GLI2: variants seen among roughly 807,000 people sequenced by gnomAD.
GLI2 encodes GLI family zinc finger 2, also known as transcription activator GLI2.
In GLI2, 22 loss-of-function variants were observed where a neutral mutation model predicts 78.9. The observed-to-expected ratio is 0.28, with a 90% CI of 0.20 to 0.40. The LOEUF (loss-of-function observed/expected upper bound fraction) is 0.40. GLI2 is among the 10% of genes least tolerant of loss of function. The pLI, the probability that GLI2 is intolerant of heterozygous loss-of-function variation, is 1.00. For synonymous variants in GLI2, 974 were observed against 963.7 expected (o/e 1.01, Z -0.20); for missense variants, 2,097 against 2,213.2 (o/e 0.95, Z 1.05).
chr2:120,989,227 C>T lies in GLI2; in HGVS notation c.3262C>T (p.His1088Tyr), dbSNP rs553904111. Residue 1088 changes from histidine to tyrosine, a missense_variant, in exon 14 of 14, where the codon CAC becomes TAC. Around this residue, in one of 5 missense-constraint regions of GLI2, gnomAD observed 1,290 missense variants for 1,261.7 expected, o/e 1.02. Transcript: ENST00000361492. ...DNPRLPSPGL[H>Y]GQRRMVAADS... ...CCCCAGACTACCCAGCCCGGGGCTG[C>T]ACGGCCAGCGCAGGATGGTGGCTGC... is the stretch of plus-strand genomic sequence containing the variant. The T allele has an allele frequency of 6.2e-7, 1 of 1,613,186 alleles. No homozygotes were observed. Among genetic ancestry groups the T allele is most frequent in the East Asian group, 2.2e-5 (1 of 44,878 alleles).
At chr2:120,803,227 G>C (rs1254149223) in intron 2 of GLI2, among the ~76,000 whole-genome samples, 1 of 152,228 alleles carries the variant, frequency 6.6e-6, no homozygotes, top group Non-Finnish European at 1.5e-5. Context: ...CTGGAACCAG[G>C]CTGCCTGGTT....
chr2:120,910,450 ATTAC>A (rs1210571879), intron 2 of GLI2, among the ~76,000 whole-genome samples: 1 of 152,210 alleles, frequency 6.6e-6, no homozygotes, highest in Non-Finnish European at 1.5e-5. Context: ...GTTTCAGGCA[ATTAC>A]TTAATCTTGA....
chr2:120,805,424 C>T (rs1684906516), intron 2 of GLI2, among the ~76,000 whole-genome samples: 1 of 152,260 alleles, frequency 6.6e-6, no homozygotes, highest in South Asian at 2.1e-4. Flanking sequence ...TGTGTGCTCC[C>T]TGGGGCCTTG....
chr2:120,812,597 G>A (rs1270067292), intron 2 of GLI2, among the ~76,000 whole-genome samples: 1 of 152,136 alleles, frequency 6.6e-6, no homozygotes, highest in Non-Finnish European at 1.5e-5. Context: ...GTGGCCTTCT[G>A]GGGGCATGTC....
rs1218059463 is a variant in GLI2 at position 120,988,806 on chromosome 2, C to A, written c.2841C>A (p.Gly947=). 1.4e-6 allele frequency: 2 copies of A among 1,402,690 alleles called. No individual in the cohort carries two copies. The highest frequency in any genetic ancestry group is 3.1e-5 in the African/African-American group (2 of 65,528). The allele number at this position is 1,402,690 out of a possible 1,614,324, so 86.9% of individuals were successfully genotyped here. A position where few individuals can be genotyped will look rare whatever the true frequency, so the allele number is the denominator to read the frequency against. Residue 947 remains glycine (G), a synonymous_variant, in exon 14 of 14, where the codon GGC becomes GGA. Coordinates refer to ENST00000361492, the MANE Select transcript of GLI2 (RefSeq NM_001374353.1). ...CCTTCCCCCACGAGGCTCCAGGCGG[C>A]GGAGCCAGGCGGGCCAGCGACCCTG... ...APAFPHEAPG[G]GARRASDPVR...
At chr2:120,784,385 T>C (rs1683935498) in intron 1 of GLI2, among the ~76,000 whole-genome samples, 1 of 152,034 alleles carries the variant, frequency 6.6e-6, no homozygotes, top group South Asian at 2.1e-4. Flanking sequence ...ATCAGACAGG[T>C]GTTTTTTGAA....
At chr2:120,934,130 C>T (rs962679679) in intron 3 of GLI2, among the ~76,000 whole-genome samples, 16 of 152,202 alleles carry the variant, frequency 1.1e-4, no homozygotes, top group Non-Finnish European at 2.9e-5. Flanking sequence ...CTGCAGGCGC[C>T]GCTGCTTGCT....
At position 120,824,633 on chromosome 2, in the gene GLI2, C is replaced by T. The variant is rs1485118167; in HGVS notation, c.148+27165C>T. 5.9e-5 allele frequency among the ~76,000 whole-genome samples: 9 copies of T among 152,348 alleles called. No individual in the cohort carries two copies. In the East Asian group the frequency reaches 1.7e-3, roughly 29 times the overall value. ...TCTACACCAGCACCTGTCAAACTGA[C>T]TCTGAGGAGGTCAGAGAGGGCAAGT... On this transcript the variant is annotated intron_variant, in intron 2 of 13. Transcript: ENST00000361492.
chr2:120,791,617 A>G (rs1190207373), intron 1 of GLI2, among the ~76,000 whole-genome samples: 1 of 152,204 alleles, frequency 6.6e-6, no homozygotes, highest in African/African-American at 2.4e-5. Context: ...TCTCTCATGT[A>G]TGTGCATGTG....
At chr2:120,890,513 G>A (rs952631589) in intron 2 of GLI2, among the ~76,000 whole-genome samples, 3 of 152,004 alleles carry the variant, frequency 2.0e-5, no homozygotes, top group Non-Finnish European at 4.4e-5. Flanking sequence ...CTGCGTGCAA[G>A]TAAAACTGAG....
intron 2 of GLI2, among the ~76,000 whole-genome samples, chr2:120,879,392 G>A (rs1036434244): frequency 2.0e-5 from 3 of 152,202 alleles, no homozygotes; most frequent in African/African-American, 4.8e-5. Context: ...GTTTTGATCA[G>A]GTTTTTGTGT....
At chr2:120,899,491 A>G (rs1379221231) in intron 2 of GLI2, among the ~76,000 whole-genome samples, 1 of 152,170 alleles carries the variant, frequency 6.6e-6, no homozygotes, top group Non-Finnish European at 1.5e-5. Context: ...TTCCCCAAGG[A>G]AGGCGAGTGC....
chr2:120,964,645 G>T (rs1231230147), intron 5 of GLI2, among the ~76,000 whole-genome samples: 1 of 152,246 alleles, frequency 6.6e-6, no homozygotes, highest in Non-Finnish European at 1.5e-5. Flanking sequence ...ACGTGCTGTA[G>T]GAAGAGCTGG....
intron 1 of GLI2, among the ~76,000 whole-genome samples, chr2:120,767,427 C>T (rs1316779787): frequency 6.6e-6 from 1 of 152,160 alleles, no homozygotes; most frequent in Non-Finnish European, 1.5e-5. Flanking sequence ...CTCTGAGGAG[C>T]CAAGCTCCCT....
chr2:120,751,038 A>T (rs1032974491), intron 1 of GLI2, among the ~76,000 whole-genome samples: 1 of 152,138 alleles, frequency 6.6e-6, no homozygotes, highest in African/African-American at 2.4e-5. Context: ...AGCTGTGGAG[A>T]CTGTTGCCGG....
intron 2 of GLI2, among the ~76,000 whole-genome samples, chr2:120,855,016 T>TC (rs1687579678): frequency 6.6e-6 from 1 of 152,206 alleles, no homozygotes; most frequent in Non-Finnish European, 1.5e-5. Flanking sequence ...CAGAGCAGGC[T>TC]CCCCTCGAGG....
intron 1 of GLI2, among the ~76,000 whole-genome samples, chr2:120,764,180 A>C (rs1173176019): frequency 1.3e-5 from 2 of 152,210 alleles, no homozygotes; most frequent in Non-Finnish European, 2.9e-5. Flanking sequence ...CTGGGCACAG[A>C]AGAGGTGCCA....
intron 1 of GLI2, among the ~76,000 whole-genome samples, chr2:120,760,589 G>C (rs1353904796): frequency 6.6e-6 from 1 of 152,160 alleles, no homozygotes; most frequent in East Asian, 1.9e-4. Context: ...TGAGCTCCTT[G>C]GTCATTTGTC....
rs769401237 is a variant in GLI2 at position 120,737,610 on chromosome 2, G to T, written c.-31+1325G>T. On this transcript the variant is annotated intron_variant, in intron 1 of 13. Coordinates refer to ENST00000361492, the MANE Select transcript of GLI2 (RefSeq NM_001374353.1). This position sits in a 1 kb window ranked among gnomAD's most constrained non-coding sequence, Gnocchi z 4.3. The stretch of plus-strand genomic sequence containing the variant: ...CCTCTGGCACGGGCTTTGCAGCTCG[G>T]TGGCCGCAGCGGTGTCCCGGGCCCC... Among the ~76,000 whole-genome samples, 2 of 152,126 alleles carry T rather than the reference G, an allele frequency of 1.3e-5. No individual in the cohort carries two copies. The highest frequency in any genetic ancestry group is 2.4e-5 in the African/African-American group (1 of 41,422).
Sources: allele counts gnomAD v4.1 joint callset (sites outside exome capture counted in the v4.1 genomes callset), GRCh38; gene constraint gnomAD v4.1.1; regional missense constraint gnomAD v4.1.1; non-coding constraint Gnocchi (gnomAD v3.1); transcripts MANE v1.5; gene names NCBI Gene and HGNC (gene_info 2026-07-23, HGNC 2026-07-21).